The following PRTG variants were observed in gnomAD, a reference collection of about 807,000 sequenced individuals.
PRTG encodes the protein immunoglobulin superfamily, DCC subclass, member 5.
A neutral mutation model predicts 122.5 loss-of-function variants in PRTG; 67 were observed. The observed-to-expected ratio is 0.55, with a 90% CI of 0.45 to 0.67. PRTG has a LOEUF of 0.67. Ranked by LOEUF, PRTG falls within the 30% of genes least tolerant of loss-of-function variation. The probability of loss-of-function intolerance (pLI) is 0.00; values close to 1 mark genes in which losing one functional copy is unlikely to be tolerated. For missense variants in PRTG, 1,435 were observed against 1,415.4 expected, an observed-to-expected ratio of 1.01 and a Z score of -0.22; for synonymous variants, 554 against 501.1, an observed-to-expected ratio of 1.11 and a Z score of -1.41.
chr15:55,680,236 T>C, intron 5 of PRTG, 24 bp from the exon 6 acceptor site: 4 of 1,564,542 alleles, frequency 2.6e-6, no homozygotes, highest in African/African-American at 1.4e-5. Context: ...AATACTTCAG[T>C]TTAAACAATG....
chr15:55,717,246 ACACAGGG>A (rs1461742732), intron 2 of PRTG, among the ~76,000 whole-genome samples: 1 of 152,220 alleles, frequency 6.6e-6, no homozygotes, highest in African/African-American at 2.4e-5. Context: ...AAAATAGTAG[ACACAGGG>A]AACCATGTTA....
At chr15:55,639,893 T>C (rs994048988) in intron 12 of PRTG, 65 bp from the exon 13 acceptor site, 34 of 1,575,956 alleles carry the variant, frequency 2.2e-5, no homozygotes, top group Non-Finnish European at 2.8e-5. Context: ...AGTGGTAAAA[T>C]GGTAAAATAA....
rs2059132634 is a variant in PRTG, at chr15:55,614,229, A to C, written c.*5783T>G. The C allele has an allele frequency of 6.6e-6, 1 of 152,134 alleles. No homozygotes were observed. Among genetic ancestry groups the C allele is most frequent in the African/African-American group, 2.4e-5 (1 of 41,448 alleles). The allele number at this position is 152,134 out of a possible 1,614,324, so 9.4% of individuals were successfully genotyped here. On this transcript the variant is annotated 3_prime_UTR_variant, in exon 20 of 20. Transcript: ENST00000389286. ...GAAACTAGAGCTTTGAGAACCAGGA[A>C]AAGGCCGATTGGAACCAAAAAAGAA... is the stretch of plus-strand genomic sequence containing the variant.
In PRTG at chr15:55,639,831, A is replaced by G; in HGVS notation, c.2138-3T>C. The G allele has an allele frequency of 1.1e-5, 17 of 1,613,366 alleles. No individual in the cohort carries two copies. The highest frequency in any genetic ancestry group is 1.4e-5 in the Non-Finnish European group (17 of 1,179,640). On this transcript the variant is annotated splice_region_variant and splice_polypyrimidine_tract_variant and intron_variant, in intron 12 of 19. Coordinates refer to ENST00000389286, the MANE Select transcript of PRTG (RefSeq NM_173814.6). ...AGGGACCATGCGATCACGAACAGCT[A>G]TTGAGAAAAACAATGTTAATTTACG...
At chr15:55,719,418 CA>C (rs1260783360) in intron 2 of PRTG, among the ~76,000 whole-genome samples, 1 of 152,046 alleles carries the variant, frequency 6.6e-6, no homozygotes, top group Non-Finnish European at 1.5e-5. Flanking sequence ...ATCAATTTAA[CA>C]AAAGACATGG....
At chr15:55,654,805 C>T (rs537895085) in intron 11 of PRTG, among the ~76,000 whole-genome samples, 6 of 152,260 alleles carry the variant, frequency 3.9e-5, no homozygotes, top group Admixed American at 1.3e-4. Context: ...AATATTTTTC[C>T]GTTTCACTGT....
At chr15:55,718,601 A>T (rs547558387) in intron 2 of PRTG, among the ~76,000 whole-genome samples, 13 of 151,210 alleles carry the variant, frequency 8.6e-5, no homozygotes, top group African/African-American at 3.2e-4. Flanking sequence ...CGTGAAATAA[A>T]CAGCCTTGTT....
At chr15:55,656,185 A>G (rs2059378807) in intron 11 of PRTG, 8 of 286,708 alleles carry the variant, frequency 2.8e-5, no homozygotes, top group Non-Finnish European at 5.5e-5. Flanking sequence ...GTTCTTTATA[A>G]CTGCTTTTCC....
At chr15:55,704,334 C>G (rs2030001344) in intron 2 of PRTG, among the ~76,000 whole-genome samples, 1 of 152,138 alleles carries the variant, frequency 6.6e-6, no homozygotes. Flanking sequence ...TGACAAAATT[C>G]ATGTCACTTA....
At chr15:55,697,381 T>C (rs909321844) in intron 2 of PRTG, among the ~76,000 whole-genome samples, 7 of 152,214 alleles carry the variant, frequency 4.6e-5, no homozygotes, top group Admixed American at 4.6e-4. Context: ...TTGAATGAAC[T>C]CAACAAACCA....
intron 2 of PRTG, among the ~76,000 whole-genome samples, chr15:55,692,432 G>A (rs949044663): frequency 6.6e-6 from 1 of 152,166 alleles, no homozygotes; most frequent in Non-Finnish European, 1.5e-5. Flanking sequence ...ACCGAGGAAA[G>A]GATCCATATA....
At chr15:55,671,054 T>G (rs939259754) in intron 11 of PRTG, among the ~76,000 whole-genome samples, 3 of 152,146 alleles carry the variant, frequency 2.0e-5, no homozygotes, top group Non-Finnish European at 4.4e-5. Flanking sequence ...AAAACCAACA[T>G]AATGAGATTA....
At chr15:55,624,199 G>T (rs779831557) in intron 18 of PRTG, 143 bp downstream of exon 18, 42 of 659,724 alleles carry the variant, frequency 6.4e-5, no homozygotes, top group Non-Finnish European at 9.8e-5. Context: ...TGTAAGGAAT[G>T]ATCTCGGTAA....
intron 7 of PRTG, 68 bp downstream of exon 7, chr15:55,679,218 C>G (rs2059522529): frequency 1.0e-6 from 1 of 989,402 alleles, no homozygotes; most frequent in African/African-American, 1.6e-5. Context: ...TTATTATAAC[C>G]ATTTCACATA....
At chr15:55,673,350 T>G (rs1183191440) in intron 10 of PRTG, 21 bp downstream of exon 10, 1 of 1,557,238 alleles carries the variant, frequency 6.4e-7, no homozygotes, top group Non-Finnish European at 8.8e-7. Flanking sequence ...TGTATTTTCT[T>G]AACAGTCTTC....
chr15:55,649,100 G>C (rs2059339806), intron 11 of PRTG, among the ~76,000 whole-genome samples: 1 of 142,016 alleles, frequency 7.0e-6, no homozygotes, highest in African/African-American at 2.5e-5. Context: ...AAAAAAAAAA[G>C]AAAAAAAACA....
At chr15:55,734,816 T>A (rs1483530254) in intron 2 of PRTG, among the ~76,000 whole-genome samples, 1 of 152,176 alleles carries the variant, frequency 6.6e-6, no homozygotes, top group Admixed American at 6.5e-5. Context: ...GAGACCTTTG[T>A]GAGGATGACG....
At chr15:55,702,929 A>C in intron 2 of PRTG, 1 of 985,368 alleles carries the variant, frequency 1.0e-6, no homozygotes, top group South Asian at 4.7e-5. Flanking sequence ...TATCCTGCAG[A>C]CACATGTCAG....
intron 18 of PRTG, among the ~76,000 whole-genome samples, chr15:55,621,695 C>T (rs1224305213): frequency 6.6e-6 from 1 of 152,042 alleles, no homozygotes; most frequent in Non-Finnish European, 1.5e-5. Context: ...GGTAGTACAA[C>T]ATAGTCAAGG....
Sources: gnomAD v4.1 joint callset for allele counts (sites outside exome capture counted in the v4.1 genomes callset) on GRCh38, gnomAD v4.1.1 for gene constraint, MANE v1.5 for transcripts, NCBI Gene and HGNC (gene_info 2026-07-23, HGNC 2026-07-21) for gene names.